The following CAP1 variants were observed in gnomAD, a reference collection of about 807,000 sequenced individuals.
CAP1 encodes the protein adenylyl cyclase-associated protein 1.
CAP1 carries 11 observed loss-of-function variants against 58.2 expected under a neutral mutation model. The observed-to-expected ratio is 0.19, with a 90% CI of 0.12 to 0.31. The LOEUF is 0.31. Among genes scored for constraint, CAP1 ranks in the 10% least tolerant of loss-of-function variants. The probability of loss-of-function intolerance (pLI) is 1.00; values close to 1 mark genes in which losing one functional copy is unlikely to be tolerated. For missense variants in CAP1, 423 were observed against 587.5 expected (o/e 0.72, Z 2.89); for synonymous variants, 183 against 213.8 (o/e 0.86, Z 1.26).
Position 40,067,585 on chromosome 1 carries a change from G to T in CAP1, c.676G>T (p.Ala226Ser), listed in dbSNP as rs200033319. ...ELSGLPSGPS[A>S]GSCPPPPPPC... is the part of the protein sequence containing the mutation. ...GAGCGGACTGCCATCTGGACCCTCT[G>T]CCGGATCATGTCCTCCTCCCCCTCC... Residue 226 changes from alanine (A) to serine (S), a missense_variant, in exon 8 of 13, where the codon GCC (alanine) becomes TCC (serine). Transcript: ENST00000372805. 153 of 1,609,840 alleles carry T rather than the reference G, an allele frequency of 9.5e-5. No individual in the cohort carries two copies. The highest frequency in any genetic ancestry group is 1.2e-4 in the Non-Finnish European group (140 of 1,177,916).
At position 40,067,545 on chromosome 1, in the gene CAP1, T is replaced by C; in HGVS notation, c.636T>C (p.Pro212=). The change falls in exon 8 of 13, where the codon CCT becomes CCC. Residue 212 remains proline, a synonymous_variant. Transcript: ENST00000372805. The part of the protein sequence containing the change: ...TTGLAWSKTG[P]VAKELSGLPS... The stretch of plus-strand genomic sequence containing the variant: ...ACCTGCACTTATTGTTCCAGGGGCC[T>C]GTGGCAAAAGAACTGAGCGGACTGC... The C allele has an allele frequency of 6.2e-7, 1 of 1,608,978 alleles. No homozygotes were observed. Among genetic ancestry groups the C allele is most frequent in the Non-Finnish European group, 8.5e-7 (1 of 1,177,416 alleles).
intron 7 of CAP1, chr1:40,067,199 A>C (rs1322949233): frequency 4.2e-6 from 1 of 240,572 alleles, no homozygotes; most frequent in African/African-American, 2.3e-5. Context: ...CAGGGAGAGG[A>C]GCGGCAGGAA....
rs2124366228 is a variant in CAP1 at position 40,061,824 on chromosome 1, A to G, written c.294+12A>G. 1.2e-6 allele frequency: 2 copies of G among 1,605,244 alleles called. No homozygotes were observed. The highest frequency in any genetic ancestry group is 1.7e-6 in the Non-Finnish European group (2 of 1,171,988). ...AACAGCCAGCAGAAGTAAGTTCACT[A>G]CTAGCTGGTTTCATTTTGGTTTGAT... On this transcript the variant is annotated intron_variant, in intron 4 of 12. Transcript: ENST00000372805.
Position 40,071,930 on chromosome 1 carries a change from AGCATG to A in CAP1, c.*398_*402del. On this transcript the variant is annotated 3_prime_UTR_variant, in exon 13 of 13. Coordinates refer to ENST00000372805, the MANE Select transcript of CAP1 (RefSeq NM_006367.4). ...ACTGGTTAATCTTTTTTTAACAATG[AGCATG>A]AAGGTAGCAGAAGCTGGTGTGTTTC... 1 of 411,954 alleles carries A rather than the reference AGCATG, an allele frequency of 2.4e-6. No individual in the cohort carries two copies. The highest frequency in any genetic ancestry group is 4.3e-6 in the Non-Finnish European group (1 of 232,628). The allele number at this position is 411,954 out of a possible 1,614,324, so 25.5% of individuals were successfully genotyped here. A position where few individuals can be genotyped will look rare whatever the true frequency, so the allele number is the denominator to read the frequency against.
At chr1:40,052,963 G>A (rs1221146860) in intron 1 of CAP1, among the ~76,000 whole-genome samples, 1 of 151,992 alleles carries the variant, frequency 6.6e-6, no homozygotes, top group Non-Finnish European at 1.5e-5. Flanking sequence ...GGTGGCTCAC[G>A]CCTGTAATCC....
At chr1:40,040,251 C>T (rs1054833757), upstream of CAP1, 1 of 149,908 alleles carries the variant, frequency 6.7e-6, no homozygotes, top group East Asian at 2.0e-4. Context: ...TGGCCTCGAT[C>T]ACCACCGAGA....
intron 1 of CAP1, 103 bp from the exon 2 acceptor site, chr1:40,059,234 A>G (rs1646746249): frequency 3.1e-6 from 2 of 639,760 alleles, no homozygotes; most frequent in African/African-American, 3.7e-5. Flanking sequence ...GAGAATTGGC[A>G]TCCTCTTCAT....
intron 4 of CAP1, among the ~76,000 whole-genome samples, chr1:40,062,035 G>A (rs1396097082): frequency 6.6e-6 from 1 of 152,126 alleles, no homozygotes; most frequent in Non-Finnish European, 1.5e-5. Context: ...ATTTTGCATA[G>A]GACTGTGGTT....
intron 6 of CAP1, 50 bp downstream of exon 6, chr1:40,064,609 C>A: frequency 7.2e-7 from 1 of 1,395,492 alleles, no homozygotes; most frequent in African/African-American, 1.4e-5. Flanking sequence ...CAGTGTCTTG[C>A]GTTGTCACCC....
chr1:40,061,957 T>G, intron 4 of CAP1, 145 bp downstream of exon 4: 3 of 684,972 alleles, frequency 4.4e-6, no homozygotes, highest in East Asian at 5.4e-5. Flanking sequence ...GGTAGAGCCA[T>G]ACTTCAAGTG....
intron 1 of CAP1, among the ~76,000 whole-genome samples, chr1:40,047,222 T>A (rs1646148363): frequency 6.8e-6 from 1 of 147,892 alleles, no homozygotes; most frequent in South Asian, 2.1e-4. Flanking sequence ...TGCATGACTG[T>A]AGTTTCATAA....
chr1:40,060,431 C>A (rs1646799528), intron 3 of CAP1, among the ~76,000 whole-genome samples: 1 of 152,196 alleles, frequency 6.6e-6, no homozygotes. Context: ...TTCTGTTCAT[C>A]TTTGTAGTGA....
At chr1:40,068,962 A>G (rs1647284321) in intron 8 of CAP1, among the ~76,000 whole-genome samples, 1 of 151,908 alleles carries the variant, frequency 6.6e-6, no homozygotes, top group South Asian at 2.1e-4. Context: ...CCTCCTAAAT[A>G]GCTGGGACTA....
intron 1 of CAP1, among the ~76,000 whole-genome samples, chr1:40,047,082 G>A (rs1194059355): frequency 6.6e-6 from 1 of 152,076 alleles, no homozygotes; most frequent in Non-Finnish European, 1.5e-5. Flanking sequence ...CATTTTTAAA[G>A]TACAGTAAAA....
chr1:40,059,535 G>T, intron 2 of CAP1, 77 bp downstream of exon 2: 1 of 848,336 alleles, frequency 1.2e-6, no homozygotes, highest in Non-Finnish European at 2.0e-6. Flanking sequence ...CTCTCCTTTG[G>T]CGCTAACTTC....
At chr1:40,068,837 T>C (rs1647267338) in intron 8 of CAP1, among the ~76,000 whole-genome samples, 1 of 151,848 alleles carries the variant, frequency 6.6e-6, no homozygotes, top group Non-Finnish European at 1.5e-5. Context: ...TTTTATTTTA[T>C]TTTATTTTTT....
rs1648164734 is a variant in CAP1 at position 40,072,192 on chromosome 1, G to C, written c.*659G>C. ...CATCCAGGGCAGTTAATGGAGTCTT[G>C]GACCCTTTCTTTCTCTGGGATCCCT... On this transcript the variant is annotated 3_prime_UTR_variant, in exon 13 of 13. Transcript: ENST00000372805. 1.5e-5 allele frequency: 6 copies of C among 395,208 alleles called. No homozygotes were observed. The highest frequency in any genetic ancestry group is 4.4e-5 in the Admixed American group (1 of 22,528). 24.5% of individuals were successfully genotyped at this position (395,208 alleles called of 1,614,324 possible).
intron 1 of CAP1, among the ~76,000 whole-genome samples, chr1:40,059,032 T>TTTTTTTTTTTTTTTTTTTTTTTTTTTTTG (rs1553163419): frequency 1.9e-4 from 29 of 152,082 alleles, no homozygotes; most frequent in Non-Finnish European, 3.4e-4. Flanking sequence ...TCTAACTTTC[T>TTTTTTTTTTTTTTTTTTTTTTTTTTTTTG]ACACACAGTA....
rs116321661 is a variant in CAP1 at position 40,046,585 on chromosome 1, C to T, written c.-11+5784C>T. Among the ~76,000 whole-genome samples, 532 of 152,204 alleles carry T rather than the reference C, an allele frequency of 3.5e-3. 1 individual carries two copies. Among genetic ancestry groups the T allele is most frequent in the Middle Eastern group, 0.014 (4 of 294 alleles). On this transcript the variant is annotated intron_variant, in intron 1 of 12. Coordinates refer to ENST00000372805, the MANE Select transcript of CAP1 (RefSeq NM_006367.4). ...GTCATGTGTTGCTTAATGACAGGTA[C>T]ATTCTGAGAAATTTGTCATTAGGTG...
Sources: allele counts gnomAD v4.1 joint callset (sites outside exome capture counted in the v4.1 genomes callset), GRCh38; gene constraint gnomAD v4.1.1; transcripts MANE v1.5; gene names NCBI Gene and HGNC (gene_info 2026-07-23, HGNC 2026-07-21).